GLIS2: variants seen among roughly 807,000 people sequenced by gnomAD.
GLIS2 encodes zinc finger protein GLIS2.
Under a neutral mutation model 35.6 loss-of-function variants are expected in GLIS2, and 14 were observed. That is an observed-to-expected ratio of 0.39 (90% CI 0.26 to 0.61). The LOEUF (loss-of-function observed/expected upper bound fraction) is 0.61, where lower values mean the gene tolerates loss of function less well. Among genes scored for constraint, GLIS2 ranks in the 20% least tolerant of loss-of-function variants. The pLI is 0.48. For missense variants in GLIS2, 675 were observed against 713.4 expected (o/e 0.95, Z 0.61); for synonymous variants, 368 against 325.1 (o/e 1.13, Z -1.42).
intron 1 of GLIS2, among the ~76,000 whole-genome samples, chr16:4,322,732 C>T (rs1452681291): frequency 2.0e-5 from 3 of 152,046 alleles, no homozygotes; most frequent in Non-Finnish European, 2.9e-5. Context: ...GTTGGAGAAC[C>T]GAGGCAGGAG....
intron 6 of GLIS2, 123 bp from the exon 7 acceptor site, chr16:4,336,602 C>T: frequency 1.0e-6 from 1 of 994,234 alleles, no homozygotes; most frequent in Non-Finnish European, 1.5e-6. Flanking sequence ...GCCCCCTGCC[C>T]CCAGAATTGG....
At chr16:4,336,365 TG>T in intron 6 of GLIS2, 2 of 454,904 alleles carry the variant, frequency 4.4e-6, no homozygotes, top group Non-Finnish European at 8.2e-6. Flanking sequence ...CCTGCTGGTC[TG>T]GAACTCCTGG....
chr16:4,335,430 G>T lies in GLIS2; in HGVS notation c.775+37G>T. 2.5e-6 allele frequency: 4 copies of T among 1,591,830 alleles called. No individual in the cohort carries two copies. The highest frequency in any genetic ancestry group is 8.6e-7 in the Non-Finnish European group (1 of 1,161,208). Reference sequence around the variant, plus strand: ...GGGCCGGGCGGCTTGGCCCATGAAGGGGGCGCTCAGCTGAGACCGGCTGGG... The same window carrying T: ...GGGCCGGGCGGCTTGGCCCATGAAGTGGGCGCTCAGCTGAGACCGGCTGGG... On this transcript the variant is annotated intron_variant, in intron 6 of 6. Coordinates refer to ENST00000433375, the MANE Select transcript of GLIS2 (RefSeq NM_032575.3). The surrounding 1 kb of genome is among the most constrained non-coding windows in gnomAD (Gnocchi z 4.6).
At chr16:4,334,304 C>A (rs1379960752) in intron 3 of GLIS2, among the ~76,000 whole-genome samples, 1 of 147,130 alleles carries the variant, frequency 6.8e-6, no homozygotes, top group Non-Finnish European at 1.5e-5. Context: ...GTGGCATGAT[C>A]TCGGCTCACT....
chr16:4,330,751 C>T (rs1344467685), intron 1 of GLIS2, among the ~76,000 whole-genome samples: 1 of 152,250 alleles, frequency 6.6e-6, no homozygotes, highest in African/African-American at 2.4e-5. Flanking sequence ...TAGCCAGTTC[C>T]CGGGAGATCT....
At chr16:4,318,672 A>C (rs1429248036) in intron 1 of GLIS2, among the ~76,000 whole-genome samples, 1 of 151,902 alleles carries the variant, frequency 6.6e-6, no homozygotes, top group Non-Finnish European at 1.5e-5. Flanking sequence ...CCTGGACCCC[A>C]TTTCCAAGGC....
At chr16:4,315,857 C>T (rs943573705), upstream of GLIS2, among the ~76,000 whole-genome samples, 3 of 149,928 alleles carry the variant, frequency 2.0e-5, no homozygotes, top group Non-Finnish European at 3.0e-5. Context: ...GCAGCTGGCG[C>T]CCCGGGCCTG....
chr16:4,336,969 C>T lies in GLIS2; in HGVS notation c.1020C>T (p.Pro340=), dbSNP rs752794127. 1.5e-5 allele frequency: 24 copies of T among 1,610,286 alleles called. No homozygotes were observed. The highest frequency in any genetic ancestry group is 2.7e-5 in the African/African-American group (2 of 74,874). ...GCCCACCCCCCAAGCCGCCACTGCCCGCCCCCGACGGCGGCCCCTATGTCA... is the reference window on the plus strand; with the variant it reads ...GCCCACCCCCCAAGCCGCCACTGCCTGCCCCCGACGGCGGCCCCTATGTCA... ...QLRPPPKPPL[P]APDGGPYVSG... Residue 340 remains proline, a synonymous_variant, in exon 7 of 7, where the codon CCC becomes CCT. Coordinates refer to ENST00000433375, the MANE Select transcript of GLIS2 (RefSeq NM_032575.3).
chr16:4,323,181 G>T (rs2053395664), intron 1 of GLIS2, among the ~76,000 whole-genome samples: 1 of 152,192 alleles, frequency 6.6e-6, no homozygotes, highest in Non-Finnish European at 1.5e-5. Flanking sequence ...CCGCCTGGCA[G>T]GGCCTGGGCT....
chr16:4,329,855 C>T (rs879460550), intron 1 of GLIS2, among the ~76,000 whole-genome samples: 5 of 152,192 alleles, frequency 3.3e-5, no homozygotes, highest in African/African-American at 9.7e-5. Flanking sequence ...AATGAACAAA[C>T]GCAAGGAAAT....
chr16:4,334,128 A>G (rs11648780), intron 3 of GLIS2, among the ~76,000 whole-genome samples: 151,528 of 151,598 alleles, frequency 1, 75,729 homozygotes, highest in Non-Finnish European at 1. Context: ...TAGTAGAGAC[A>G]GGGTTTCTCC....
chr16:4,329,950 C>T (rs371747226), intron 1 of GLIS2, among the ~76,000 whole-genome samples: 23 of 152,188 alleles, frequency 1.5e-4, no homozygotes, highest in African/African-American at 4.3e-4. Context: ...GTTCTTGGGT[C>T]GGTGGATACT....
Position 4,330,167 on chromosome 16 carries a change from C to T in GLIS2, c.-66-2048C>T, listed in dbSNP as rs1011832514. Among the ~76,000 whole-genome samples the T allele has an allele frequency of 2.6e-5, 4 of 151,938 alleles. No individual in the cohort carries two copies. In the South Asian group the frequency reaches 8.3e-4, roughly 31 times the overall value. On this transcript the variant is annotated intron_variant, in intron 1 of 6. Transcript: ENST00000433375. ...TGGTGTACACCTGTAATCCCAGCTA[C>T]TTGGGAGGCTGAGGCAGGACAATCG...
At chr16:4,329,476 C>A (rs2053474765) in intron 1 of GLIS2, among the ~76,000 whole-genome samples, 1 of 152,224 alleles carries the variant, frequency 6.6e-6, no homozygotes, top group East Asian at 1.9e-4. Flanking sequence ...GAGAGGTGGG[C>A]AGCCCCCCTG....
chr16:4,330,305 A>G (rs1053718725), intron 1 of GLIS2, among the ~76,000 whole-genome samples: 2 of 152,236 alleles, frequency 1.3e-5, no homozygotes, highest in African/African-American at 2.4e-5. Context: ...AACCAGTGAG[A>G]AATTCTAAGA....
At chr16:4,319,667 G>A (rs114553814) in intron 1 of GLIS2, among the ~76,000 whole-genome samples, 4,001 of 152,318 alleles carry the variant, frequency 0.026, 172 homozygotes, top group African/African-American at 0.092. Context: ...GGGACTCCGC[G>A]CTTCCAACAA....
chr16:4,328,719 G>C (rs1306427733), intron 1 of GLIS2, among the ~76,000 whole-genome samples: 1 of 152,168 alleles, frequency 6.6e-6, no homozygotes, highest in African/African-American at 2.4e-5. Flanking sequence ...GTGCATTGGA[G>C]TCCTCCCTCT....
At chr16:4,328,835 G>T (rs779989085) in intron 1 of GLIS2, among the ~76,000 whole-genome samples, 34 of 152,190 alleles carry the variant, frequency 2.2e-4, no homozygotes, top group African/African-American at 5.3e-4. Flanking sequence ...CTGGCTCCCC[G>T]AGTCCCCATC....
rs1567226641 is a variant in GLIS2 at position 4,338,979 on chromosome 16, G to A, written c.*1455G>A. ...TCCACCTCCCCATCTGTAAAACGAGGCAGCTGCCCGGACAGCCTTGGGGTC... is the reference window on the plus strand; with the variant it reads ...TCCACCTCCCCATCTGTAAAACGAGACAGCTGCCCGGACAGCCTTGGGGTC... On this transcript the variant is annotated 3_prime_UTR_variant, in exon 7 of 7. Coordinates refer to ENST00000433375, the MANE Select transcript of GLIS2 (RefSeq NM_032575.3). The A allele has an allele frequency of 6.6e-6, 1 of 152,356 alleles. No homozygotes were observed. The highest frequency in any genetic ancestry group is 1.5e-5 in the Non-Finnish European group (1 of 68,148). The allele number at this position is 152,356 out of a possible 1,614,324, so 9.4% of individuals were successfully genotyped here.
Sources: gnomAD v4.1 joint callset for allele counts (sites outside exome capture counted in the v4.1 genomes callset) on GRCh38, gnomAD v4.1.1 for gene constraint, Gnocchi (gnomAD v3.1) non-coding constraint, MANE v1.5 for transcripts, NCBI Gene and HGNC (gene_info 2026-07-23, HGNC 2026-07-21) for gene names.